CSMD1: variants seen among roughly 807,000 people sequenced by gnomAD.
CSMD1 encodes the protein CUB and sushi domain-containing protein 1.
CSMD1 carries 213 observed loss-of-function variants against 417.5 expected under a neutral mutation model. The observed-to-expected ratio is 0.51, with a 90% CI of 0.46 to 0.57. CSMD1 has a LOEUF of 0.57. CSMD1 is among the 20% of genes least tolerant of loss of function. The pLI, the probability that CSMD1 is intolerant of heterozygous loss-of-function variation, is 0.00. For missense variants in CSMD1, 6,923 were observed against 4,529.7 expected, an observed-to-expected ratio of 1.53 and a Z score of -15.17; for synonymous variants, 2,862 against 1,736.8, an observed-to-expected ratio of 1.65 and a Z score of -16.11.
chr8:4,256,112 C>T (rs939006026), intron 3 of CSMD1, among the ~76,000 whole-genome samples: 1 of 152,212 alleles, frequency 6.6e-6, no homozygotes, highest in East Asian at 1.9e-4. Context: ...CTTTGCTCCC[C>T]TGCAAAATGC....
At chr8:3,811,036 G>A (rs1182491469) in intron 5 of CSMD1, among the ~76,000 whole-genome samples, 1 of 152,154 alleles carries the variant, frequency 6.6e-6, no homozygotes, top group Non-Finnish European at 1.5e-5. Context: ...CGTCTTACTG[G>A]CAGGGGATGA....
At chr8:4,720,750 A>G (rs1035364110) in intron 1 of CSMD1, among the ~76,000 whole-genome samples, 1 of 152,170 alleles carries the variant, frequency 6.6e-6, no homozygotes, top group Admixed American at 6.5e-5. Context: ...GAATATTTAT[A>G]AAGTTTCTGA....
At chr8:4,089,863 C>T (rs35543823) in intron 3 of CSMD1, among the ~76,000 whole-genome samples, 15,982 of 152,094 alleles carry the variant, frequency 0.11, 916 homozygotes, top group Middle Eastern at 0.15. Flanking sequence ...TGGGATCTCA[C>T]CACAGAGAAG....
chr8:4,905,999 A>G (rs73505893), intron 1 of CSMD1, among the ~76,000 whole-genome samples: 5 of 152,136 alleles, frequency 3.3e-5, no homozygotes, highest in African/African-American at 1.2e-4. Context: ...CACTTTTGGC[A>G]GGAAGTCTGA....
chr8:4,929,019 C>T (rs992836790), intron 1 of CSMD1, among the ~76,000 whole-genome samples: 8 of 152,060 alleles, frequency 5.3e-5, no homozygotes, highest in Non-Finnish European at 1.2e-4. Flanking sequence ...TGCAGTGAGC[C>T]GAGATTGCAC....
At chr8:3,775,388 C>A (rs996056177) in intron 5 of CSMD1, among the ~76,000 whole-genome samples, 1 of 152,044 alleles carries the variant, frequency 6.6e-6, no homozygotes. Context: ...GGTAACAGGC[C>A]CAGGTACCTG....
At chr8:3,053,512 G>A (rs1186887357) in intron 49 of CSMD1, among the ~76,000 whole-genome samples, 1 of 151,988 alleles carries the variant, frequency 6.6e-6, no homozygotes, top group Non-Finnish European at 1.5e-5. Flanking sequence ...ACGACATAAG[G>A]AATTGATAGA....
intron 10 of CSMD1, among the ~76,000 whole-genome samples, chr8:3,523,060 T>A (rs1049838386): frequency 4.6e-5 from 7 of 150,704 alleles, no homozygotes; most frequent in African/African-American, 1.7e-4. Flanking sequence ...AAATAAGAGT[T>A]AAAAATTGAA....
At chr8:4,582,858 C>A (rs1316057526) in intron 2 of CSMD1, among the ~76,000 whole-genome samples, 3 of 152,322 alleles carry the variant, frequency 2.0e-5, no homozygotes, top group East Asian at 3.9e-4. Context: ...CAGGGCTGTG[C>A]GAGGCACTTG....
chr8:3,334,302 A>G (rs573103605), intron 23 of CSMD1, among the ~76,000 whole-genome samples: 56 of 152,184 alleles, frequency 3.7e-4, no homozygotes, highest in Non-Finnish European at 7.1e-4. Flanking sequence ...AATTGATTGC[A>G]TTCAGCAGCT....
intron 12 of CSMD1, among the ~76,000 whole-genome samples, chr8:3,461,920 A>T (rs1261992931): frequency 6.6e-6 from 1 of 152,236 alleles, no homozygotes; most frequent in African/African-American, 2.4e-5. Context: ...CCCAGCTGAG[A>T]GGCCAGCTAA....
At chr8:3,526,292 T>C (rs997110635) in intron 10 of CSMD1, among the ~76,000 whole-genome samples, 2 of 151,734 alleles carry the variant, frequency 1.3e-5, no homozygotes, top group African/African-American at 2.4e-5. Context: ...GAAAAGCAAA[T>C]AGATATAGGC....
intron 1 of CSMD1, among the ~76,000 whole-genome samples, chr8:4,816,819 A>G (rs1205331227): frequency 1.3e-5 from 2 of 152,136 alleles, no homozygotes; most frequent in African/African-American, 4.8e-5. Flanking sequence ...CAGAGCCAGA[A>G]CTGAGAGACT....
intron 3 of CSMD1, among the ~76,000 whole-genome samples, chr8:4,112,110 C>A (rs1026857880): frequency 6.6e-6 from 1 of 152,168 alleles, no homozygotes; most frequent in Admixed American, 6.5e-5. Context: ...ACCACATTAG[C>A]CCACAAGATC....
At chr8:4,843,004 T>G (rs764408538) in intron 1 of CSMD1, among the ~76,000 whole-genome samples, 7 of 152,188 alleles carry the variant, frequency 4.6e-5, no homozygotes, top group Non-Finnish European at 8.8e-5. Flanking sequence ...TCATCTAACA[T>G]GCTACTCCAG....
At chr8:4,938,363 C>G (rs573900312) in intron 1 of CSMD1, among the ~76,000 whole-genome samples, 1 of 152,250 alleles carries the variant, frequency 6.6e-6, no homozygotes, top group African/African-American at 2.4e-5. Context: ...AAATGCTTCC[C>G]AATACAGCTG....
intron 3 of CSMD1, among the ~76,000 whole-genome samples, chr8:4,139,952 G>C (rs961946060): frequency 1.4e-5 from 2 of 139,622 alleles, no homozygotes; most frequent in East Asian, 3.9e-4. Flanking sequence ...ATGGCAGCAA[G>C]GGCAGGTGAA....
chr8:4,532,375 C>A lies in CSMD1; in HGVS notation c.302+104967G>T, dbSNP rs1162941026. On this transcript the variant is annotated intron_variant, in intron 2 of 69. Transcript: ENST00000635120. ...AATCCTGCACCCGCATTCAGTCACT[C>A]CAGAAGAGAAATCCTGCACCCCCAT... 2.0e-5 allele frequency among the ~76,000 whole-genome samples: 3 copies of A among 151,554 alleles called. No individual in the cohort carries two copies. The South Asian group carries it at 6.3e-4, about 32-fold the overall frequency.
intron 7 of CSMD1, among the ~76,000 whole-genome samples, chr8:3,625,472 A>C (rs565295514): frequency 3.2e-4 from 49 of 152,202 alleles, no homozygotes; most frequent in African/African-American, 1.1e-3. Flanking sequence ...GACTTTTAAA[A>C]CACAAGGGGT....
Sources: gnomAD v4.1 joint callset for allele counts (sites outside exome capture counted in the v4.1 genomes callset) on GRCh38, gnomAD v4.1.1 for gene constraint, MANE v1.5 for transcripts, NCBI Gene and HGNC (gene_info 2026-07-23, HGNC 2026-07-21) for gene names.